Variants in TRAPPC9 observed in about 807,000 individuals in gnomAD.
TRAPPC9 encodes the protein IKK2 binding protein.
In TRAPPC9, 83 loss-of-function variants were observed where a neutral mutation model predicts 124.0. The ratio of observed to expected loss-of-function variants is 0.67; its 90% CI spans 0.56 to 0.80. The LOEUF (loss-of-function observed/expected upper bound fraction) is 0.80. Among genes scored for constraint, TRAPPC9 ranks in the 30% least tolerant of loss-of-function variants. TRAPPC9 has a pLI of 0.00. For synonymous variants in TRAPPC9, 638 were observed against 617.5 expected (o/e 1.03, Z -0.49); for missense variants, 1,302 against 1,508.3 (o/e 0.86, Z 2.27).
intron 17 of TRAPPC9, among the ~76,000 whole-genome samples, chr8:140,044,973 A>G (rs1488554780): frequency 6.6e-6 from 1 of 152,252 alleles, no homozygotes; most frequent in Non-Finnish European, 1.5e-5. Flanking sequence ...TGAAGAGTCA[A>G]TAAGTTATTA....
intron 9 of TRAPPC9, among the ~76,000 whole-genome samples, chr8:140,324,978 A>G (rs1328699131): frequency 1.3e-5 from 2 of 152,202 alleles, no homozygotes; most frequent in Non-Finnish European, 2.9e-5. Flanking sequence ...ACATCTCAAT[A>G]CATTTTAAAA....
intron 17 of TRAPPC9, among the ~76,000 whole-genome samples, chr8:140,172,810 G>A (rs1241230810): frequency 6.6e-6 from 1 of 152,184 alleles, no homozygotes; most frequent in Non-Finnish European, 1.5e-5. Context: ...CAAATTTATA[G>A]GGGAGAAAAC....
At chr8:140,398,288 T>C (rs2069153648) in intron 6 of TRAPPC9, among the ~76,000 whole-genome samples, 1 of 152,094 alleles carries the variant, frequency 6.6e-6, no homozygotes, top group African/African-American at 2.4e-5. Context: ...GCTGAAAAAA[T>C]ACCTGAAAAT....
intron 20 of TRAPPC9, among the ~76,000 whole-genome samples, chr8:139,909,176 T>C (rs1211766587): frequency 6.6e-6 from 1 of 152,182 alleles, no homozygotes; most frequent in Non-Finnish European, 1.5e-5. Context: ...TGTATCCCCA[T>C]ATCTGCAGAA....
chr8:140,155,112 G>A (rs569599035), intron 17 of TRAPPC9, among the ~76,000 whole-genome samples: 2 of 152,330 alleles, frequency 1.3e-5, no homozygotes, highest in East Asian at 3.9e-4. Context: ...TTCAAGGGAT[G>A]GGTGGATTCT....
chr8:140,012,446 G>A (rs1839199828), intron 18 of TRAPPC9, among the ~76,000 whole-genome samples: 2 of 152,218 alleles, frequency 1.3e-5, no homozygotes, highest in South Asian at 2.1e-4. Context: ...GAGGGAAGAA[G>A]GGCGTGGACC....
intron 19 of TRAPPC9, among the ~76,000 whole-genome samples, chr8:139,976,519 G>C (rs2319588): frequency 0.097 from 14,730 of 152,158 alleles, 1,206 homozygotes; most frequent in African/African-American, 0.23. Flanking sequence ...TTGACAAAGG[G>C]CTTATGACCA....
At chr8:139,859,265 C>T (rs1415298757) in intron 21 of TRAPPC9, among the ~76,000 whole-genome samples, 2 of 152,008 alleles carry the variant, frequency 1.3e-5, no homozygotes, top group Non-Finnish European at 2.9e-5. Flanking sequence ...TCCTGGCTCG[C>T]AGCACCCAGG....
chr8:139,991,834 A>C (rs1837673066), intron 18 of TRAPPC9, among the ~76,000 whole-genome samples: 1 of 152,162 alleles, frequency 6.6e-6, no homozygotes, highest in Non-Finnish European at 1.5e-5. Context: ...CAAAGAGAGC[A>C]GTTACGTATT....
intron 17 of TRAPPC9, among the ~76,000 whole-genome samples, chr8:140,162,366 C>T (rs146649263): frequency 0.011 from 1,717 of 152,206 alleles, 34 homozygotes; most frequent in African/African-American, 0.039. Flanking sequence ...ATGCTGCTTG[C>T]GTGGAAGGCT....
At chr8:140,328,243 A>T (rs1304531799) in intron 9 of TRAPPC9, among the ~76,000 whole-genome samples, 1 of 152,208 alleles carries the variant, frequency 6.6e-6, no homozygotes, top group African/African-American at 2.4e-5. Flanking sequence ...CGAAAGAGCG[A>T]AAGTCCGTCT....
chr8:139,877,697 C>T (rs1256044349), intron 21 of TRAPPC9, among the ~76,000 whole-genome samples: 1 of 152,204 alleles, frequency 6.6e-6, no homozygotes, highest in Non-Finnish European at 1.5e-5. Context: ...AAAGATCACA[C>T]CCGCCTCTGT....
At chr8:139,993,307 G>A (rs555571261) in intron 18 of TRAPPC9, among the ~76,000 whole-genome samples, 9 of 152,230 alleles carry the variant, frequency 5.9e-5, no homozygotes, top group African/African-American at 2.2e-4. Context: ...CAATAAACAG[G>A]AACAGAAGCT....
intron 17 of TRAPPC9, among the ~76,000 whole-genome samples, chr8:140,127,556 G>A (rs2061121391): frequency 6.6e-6 from 1 of 152,172 alleles, no homozygotes. Context: ...AATATCCACG[G>A]AGCTAAAGAA....
At chr8:139,896,426 TTC>T (rs1465326567) in intron 20 of TRAPPC9, among the ~76,000 whole-genome samples, 1 of 152,236 alleles carries the variant, frequency 6.6e-6, no homozygotes, top group African/African-American at 2.4e-5. Flanking sequence ...AACACGCATC[TTC>T]TCACTGCAAT....
intron 21 of TRAPPC9, among the ~76,000 whole-genome samples, chr8:139,752,136 T>C (rs375031978): frequency 2.0e-5 from 3 of 148,864 alleles, no homozygotes; most frequent in African/African-American, 7.5e-5. Flanking sequence ...CATCCATCTA[T>C]ATATCGATCC....
intron 17 of TRAPPC9, among the ~76,000 whole-genome samples, chr8:140,161,747 C>A (rs1358476980): frequency 1.3e-5 from 2 of 151,958 alleles, no homozygotes; most frequent in Non-Finnish European, 2.9e-5. Flanking sequence ...ATCACAGGGC[C>A]ACAAGAGAGG....
intron 15 of TRAPPC9, among the ~76,000 whole-genome samples, chr8:140,271,323 A>C (rs2064871887): frequency 6.6e-6 from 1 of 152,234 alleles, no homozygotes; most frequent in African/African-American, 2.4e-5. Context: ...TTAAAATAAG[A>C]CACAAATAAA....
intron 21 of TRAPPC9, among the ~76,000 whole-genome samples, chr8:139,864,868 T>C (rs1001548884): frequency 2.6e-5 from 4 of 152,152 alleles, no homozygotes; most frequent in African/African-American, 9.7e-5. Context: ...TGTGGACACA[T>C]CCCAGTCGAA....
Sources: allele counts gnomAD v4.1 joint callset (sites outside exome capture counted in the v4.1 genomes callset), GRCh38; gene constraint gnomAD v4.1.1; transcripts MANE v1.5; gene names NCBI Gene and HGNC (gene_info 2026-07-23, HGNC 2026-07-21).